The following TAFA2 variants were observed in gnomAD, a reference collection of about 807,000 sequenced individuals.
TAFA2 encodes TAFA chemokine like family member 2.
A neutral mutation model predicts 18.8 loss-of-function variants in TAFA2; 7 were observed. The observed-to-expected ratio is 0.37, with a 90% CI of 0.21 to 0.70. The LOEUF (loss-of-function observed/expected upper bound fraction) is 0.70, where lower values mean the gene tolerates loss of function less well. Among genes scored for constraint, TAFA2 ranks in the 30% least tolerant of loss-of-function variants. The pLI is 0.53. For missense variants in TAFA2, 122 were observed against 158.1 expected (o/e 0.77, Z 1.23); for synonymous variants, 60 against 54.2 (o/e 1.11, Z -0.47).
chr12:61,927,850 A>G (rs1877371921), intron 1 of TAFA2, among the ~76,000 whole-genome samples: 1 of 152,202 alleles, frequency 6.6e-6, no homozygotes, highest in African/African-American at 2.4e-5. Flanking sequence ...CCTCAGAAAT[A>G]ACACCACACA....
intron 1 of TAFA2, among the ~76,000 whole-genome samples, chr12:61,985,818 T>A (rs1438398394): frequency 6.6e-6 from 1 of 152,218 alleles, no homozygotes; most frequent in Non-Finnish European, 1.5e-5. Flanking sequence ...GGTTAAGAAG[T>A]TGTGTTATGA....
chr12:61,820,218 A>C (rs1013835935), intron 2 of TAFA2, among the ~76,000 whole-genome samples: 4 of 152,094 alleles, frequency 2.6e-5, no homozygotes, highest in African/African-American at 9.6e-5. Flanking sequence ...ATTTACATTA[A>C]CAAGACAAGT....
chr12:62,164,358 C>A (rs537988433), intron 1 of TAFA2, among the ~76,000 whole-genome samples: 1 of 152,230 alleles, frequency 6.6e-6, no homozygotes, highest in Non-Finnish European at 1.5e-5. Flanking sequence ...CTGGAACTTG[C>A]AGACAAAAGC....
chr12:62,108,886 G>C (rs926371159), intron 1 of TAFA2, among the ~76,000 whole-genome samples: 30 of 151,970 alleles, frequency 2.0e-4, no homozygotes, highest in African/African-American at 6.5e-4. Context: ...TTAGCCCTTT[G>C]TCAGATGGAA....
At chr12:62,245,657 A>G (rs113217139) in intron 1 of TAFA2, among the ~76,000 whole-genome samples, 2 of 147,674 alleles carry the variant, frequency 1.4e-5, no homozygotes, top group Non-Finnish European at 3.0e-5. Context: ...TTTATAGAAT[A>G]TACATTAAAA....
intron 2 of TAFA2, among the ~76,000 whole-genome samples, chr12:61,763,195 C>T (rs1869635194): frequency 6.6e-6 from 1 of 151,962 alleles, no homozygotes; most frequent in African/African-American, 2.4e-5. Context: ...GAGGAAACAA[C>T]CAAGTGCCGA....
chr12:62,191,265 C>T lies in TAFA2; in HGVS notation c.-8G>A, dbSNP rs2062622553. ...AGGCGCGGCTCGCACCTACCTGCAG[C>T]CCCGCTTCCCGGTGGCGGCAACACC... On this transcript the variant is annotated 5_prime_UTR_variant, in exon 1 of 5. Transcript: ENST00000416284. 6.6e-6 allele frequency: 1 copy of T among 152,218 alleles called. No individual in the cohort carries two copies. The highest frequency in any genetic ancestry group is 6.5e-5 in the Admixed American group (1 of 15,282). 9.4% of individuals were successfully genotyped at this position (152,218 alleles called of 1,614,324 possible).
intron 1 of TAFA2, among the ~76,000 whole-genome samples, chr12:61,964,242 A>G (rs1878992775): frequency 6.6e-6 from 1 of 152,066 alleles, no homozygotes; most frequent in South Asian, 2.1e-4. Flanking sequence ...AATTGAACTA[A>G]AGAGTTTCTG....
intron 2 of TAFA2, among the ~76,000 whole-genome samples, chr12:61,813,366 T>A (rs1266190036): frequency 6.6e-6 from 1 of 151,384 alleles, no homozygotes; most frequent in Admixed American, 6.6e-5. Context: ...TTTTGAAGAC[T>A]TAATCTATAT....
At chr12:62,234,551 G>A (rs2062826780) in intron 1 of TAFA2, 2 of 839,660 alleles carry the variant, frequency 2.4e-6, no homozygotes, top group South Asian at 1.3e-5. Flanking sequence ...ACCCACGTAT[G>A]TCATCTACGC....
intron 1 of TAFA2, among the ~76,000 whole-genome samples, chr12:61,961,010 C>T (rs1878865948): frequency 6.6e-6 from 1 of 151,900 alleles, no homozygotes; most frequent in African/African-American, 2.4e-5. Flanking sequence ...GCAAGCTGTA[C>T]AGGAATATGT....
chr12:62,184,297 T>G (rs1283245963), intron 1 of TAFA2, among the ~76,000 whole-genome samples: 1 of 152,142 alleles, frequency 6.6e-6, no homozygotes, highest in Non-Finnish European at 1.5e-5. Flanking sequence ...ATACATATCT[T>G]AGCAGGAAAC....
chr12:61,768,146 A>G (rs546875177), intron 2 of TAFA2, among the ~76,000 whole-genome samples: 5 of 152,264 alleles, frequency 3.3e-5, no homozygotes, highest in South Asian at 2.1e-4. Flanking sequence ...AACCATCTCT[A>G]CTTTTAAAAA....
rs191732919 is a variant in TAFA2, at chr12:61,749,005, C to T, written c.384+4617G>A. On this transcript the variant is annotated intron_variant, in intron 4 of 4. Transcript: ENST00000416284. ...ATGTGGTTGGGTGTGGTCGCTCACA[C>T]CTGTAATCTCAGCACTTTGGGAGTC... Among the ~76,000 whole-genome samples, 612 of 151,990 alleles carry T rather than the reference C, an allele frequency of 4.0e-3. 1 individual carries two copies. The highest frequency in any genetic ancestry group is 6.2e-3 in the Non-Finnish European group (422 of 67,986).
intron 4 of TAFA2, among the ~76,000 whole-genome samples, chr12:61,738,040 G>T (rs1011516799): frequency 2.6e-5 from 4 of 151,884 alleles, no homozygotes; most frequent in African/African-American, 9.7e-5. Flanking sequence ...AGGTTTTATT[G>T]GTTATTCCAT....
At chr12:62,156,114 C>T (rs555491837) in intron 1 of TAFA2, among the ~76,000 whole-genome samples, 121 of 152,208 alleles carry the variant, frequency 7.9e-4, no homozygotes, top group Non-Finnish European at 1.5e-3. Flanking sequence ...AAGAAACAAT[C>T]CCATCAAAAA....
intron 1 of TAFA2, among the ~76,000 whole-genome samples, chr12:62,164,453 T>C (rs1798947121): frequency 6.6e-6 from 1 of 152,152 alleles, no homozygotes; most frequent in Non-Finnish European, 1.5e-5. Context: ...TTAGAAGAAA[T>C]ATGCCCAAAA....
At chr12:61,930,102 A>G (rs1035214544) in intron 1 of TAFA2, among the ~76,000 whole-genome samples, 3 of 152,072 alleles carry the variant, frequency 2.0e-5, no homozygotes, top group Non-Finnish European at 4.4e-5. Context: ...ACATGTATAC[A>G]TATGTAACAA....
At chr12:61,798,317 CTTTA>C (rs1871271597) in intron 2 of TAFA2, among the ~76,000 whole-genome samples, 1 of 152,040 alleles carries the variant, frequency 6.6e-6, no homozygotes, top group Middle Eastern at 3.4e-3. Context: ...GCCACCTGGA[CTTTA>C]TTTTATTTAT....
Sources: gnomAD v4.1 joint callset for allele counts (sites outside exome capture counted in the v4.1 genomes callset) on GRCh38, gnomAD v4.1.1 for gene constraint, MANE v1.5 for transcripts, NCBI Gene and HGNC (gene_info 2026-07-23, HGNC 2026-07-21) for gene names.